Variants in CHRNA3 observed in about 807,000 individuals in gnomAD.
The protein encoded by CHRNA3 is cholinergic receptor nicotinic alpha 3 subunit.
In CHRNA3, 34 loss-of-function variants were observed where a neutral mutation model predicts 41.9. The ratio of observed to expected loss-of-function variants is 0.81; its 90% CI spans 0.62 to 1.08. The LOEUF is 1.08. Among genes scored for constraint, CHRNA3 ranks in the 50% least tolerant of loss-of-function variants. The pLI, the probability that CHRNA3 is intolerant of heterozygous loss-of-function variation, is 0.00. For missense variants in CHRNA3, 542 were observed against 638.3 expected, an observed-to-expected ratio of 0.85 and a Z score of 1.63; for synonymous variants, 281 against 265.2, an observed-to-expected ratio of 1.06 and a Z score of -0.58.
chr15:78,607,071 T>C (rs2053300777), intron 4 of CHRNA3, among the ~76,000 whole-genome samples: 2 of 150,328 alleles, frequency 1.3e-5, no homozygotes. Context: ...CTACTAAAAA[T>C]ACAAAAAATT....
intron 4 of CHRNA3, among the ~76,000 whole-genome samples, chr15:78,609,728 A>G (rs1420679410): frequency 6.6e-6 from 1 of 152,218 alleles, no homozygotes; most frequent in Non-Finnish European, 1.5e-5. Context: ...ACACATAACA[A>G]TATTAACTTT....
chr15:78,602,737 G>A lies in CHRNA3; in HGVS notation c.378-473C>T, dbSNP rs145551417. 3.5e-3 allele frequency among the ~76,000 whole-genome samples: 533 copies of A among 152,276 alleles called. 4 individuals are homozygous for A. Among genetic ancestry groups the A allele is most frequent in the African/African-American group, 0.012 (515 of 41,558 alleles). On this transcript the variant is annotated intron_variant, in intron 4 of 5. Coordinates refer to ENST00000326828, the MANE Select transcript of CHRNA3 (RefSeq NM_000743.5). ...AAACCAGACTATGGATGTGGAAGGG[G>A]CTGCACAGACCACCCAGGGGAGTCC...
At chr15:78,616,092 G>C (rs1596083612) in intron 4 of CHRNA3, among the ~76,000 whole-genome samples, 1 of 150,864 alleles carries the variant, frequency 6.6e-6, no homozygotes, top group Non-Finnish European at 1.5e-5. Flanking sequence ...GGTGGCTCAT[G>C]CTGTAATCCC....
intron 1 of CHRNA3, among the ~76,000 whole-genome samples, chr15:78,619,566 G>T (rs2053518279): frequency 6.6e-6 from 1 of 151,790 alleles, no homozygotes; most frequent in South Asian, 2.1e-4. Flanking sequence ...CCCTGTAGGG[G>T]TGGCCACCAG....
intron 4 of CHRNA3, among the ~76,000 whole-genome samples, chr15:78,602,560 G>A (rs1480498995): frequency 1.3e-5 from 2 of 152,184 alleles, no homozygotes; most frequent in Non-Finnish European, 2.9e-5. Flanking sequence ...TGCCCGAAGA[G>A]GATTGGTCCC....
intron 5 of CHRNA3, 67 bp downstream of exon 5, chr15:78,601,186 C>T (rs1043088121): frequency 1.4e-5 from 22 of 1,526,412 alleles, no homozygotes; most frequent in Non-Finnish European, 2.0e-5. Flanking sequence ...ATGCCTTGCC[C>T]CACGAGGAAC....
chr15:78,610,792 T>C (rs1393945080), intron 4 of CHRNA3, among the ~76,000 whole-genome samples: 1 of 151,894 alleles, frequency 6.6e-6, no homozygotes. Context: ...CAGGAGCTGG[T>C]TTTTTGAAAA....
At chr15:78,605,241 ATC>A (rs765358200) in intron 4 of CHRNA3, among the ~76,000 whole-genome samples, 2 of 152,070 alleles carry the variant, frequency 1.3e-5, no homozygotes, top group Non-Finnish European at 2.9e-5. Context: ...GGTTTTTAAA[ATC>A]TCTCTAAATT....
intron 4 of CHRNA3, among the ~76,000 whole-genome samples, chr15:78,613,815 G>A (rs367786258): frequency 4.1e-4 from 62 of 151,436 alleles, no homozygotes; most frequent in African/African-American, 1.3e-3. Flanking sequence ...GCGTGGTGGC[G>A]GGCGCCTGTA....
intron 4 of CHRNA3, among the ~76,000 whole-genome samples, chr15:78,615,440 T>TG (rs775966273): frequency 2.0e-5 from 3 of 152,104 alleles, no homozygotes; most frequent in Non-Finnish European, 4.4e-5. Flanking sequence ...CCACAGTGGA[T>TG]GGCTGAGACC....
At chr15:78,617,684 G>A (rs2053484901) in intron 3 of CHRNA3, among the ~76,000 whole-genome samples, 2 of 152,196 alleles carry the variant, frequency 1.3e-5, no homozygotes, top group South Asian at 4.1e-4. Flanking sequence ...TGCGGCCACA[G>A]AGGGAACGTG....
intron 5 of CHRNA3, among the ~76,000 whole-genome samples, chr15:78,599,055 G>A (rs78427646): frequency 1.1e-3 from 161 of 151,492 alleles, no homozygotes; most frequent in Middle Eastern, 6.8e-3. Flanking sequence ...GGCCAGGCTG[G>A]TCTTGAACTC....
At chr15:78,616,898 G>A in intron 4 of CHRNA3, 126 bp downstream of exon 4, 1 of 635,450 alleles carries the variant, frequency 1.6e-6, no homozygotes, top group East Asian at 2.7e-5. Context: ...CATACCTATG[G>A]ACTGAACAAA....
At chr15:78,609,640 A>AC (rs1329309999) in intron 4 of CHRNA3, among the ~76,000 whole-genome samples, 7 of 152,344 alleles carry the variant, frequency 4.6e-5, no homozygotes, top group Admixed American at 2.6e-4. Context: ...AAATGTAAAG[A>AC]CCATCAAGGC....
intron 4 of CHRNA3, 33 bp from the exon 5 acceptor site, chr15:78,602,297 C>T (rs199610323): frequency 1.0e-4 from 163 of 1,594,308 alleles, no homozygotes; most frequent in East Asian, 2.9e-4. Flanking sequence ...CAGTGACACA[C>T]GGTCATTAAC....
chr15:78,594,127 T>A (rs1018463006), downstream of CHRNA3: 4 of 152,212 alleles, frequency 2.6e-5, no homozygotes, highest in African/African-American at 9.6e-5. Context: ...AATTGGGAAC[T>A]CCTTTAAGGC....
chr15:78,599,495 C>T (rs2053163392), intron 5 of CHRNA3, among the ~76,000 whole-genome samples: 1 of 151,450 alleles, frequency 6.6e-6, no homozygotes, highest in African/African-American at 2.4e-5. Context: ...GATCTTTGTT[C>T]CCCTGCCACT....
rs1025574511 is a variant in CHRNA3, at chr15:78,596,794, A to T, written c.1390-62T>A. 23 of 1,549,648 alleles carry T rather than the reference A, an allele frequency of 1.5e-5. No individual in the cohort carries two copies. The African/African-American group carries it at 3.2e-4, about 21-fold the overall frequency. On this transcript the variant is annotated intron_variant, in intron 5 of 5. Transcript: ENST00000326828. ...GGGAAAGGCAAATGAATACATTTTC[A>T]ATACTGAAGATGTAATCAACACGTT...
At position 78,601,850 on chromosome 15, in the gene CHRNA3, G is replaced by A; in HGVS notation, c.792C>T (p.Tyr264=). Residue 264 remains tyrosine (Y), a synonymous_variant, in exon 5 of 6, where the codon TAC becomes TAT. Coordinates refer to ENST00000326828, the MANE Select transcript of CHRNA3 (RefSeq NM_000743.5). The part of the protein sequence containing the change: ...LISFLTVLVF[Y]LPSDCGEKVT... ...CCTTCTCACCGCAGTCGGAGGGCAG[G>A]TAGAAGACGAGCACAGTGAGGAAGG... 2 of 1,614,128 alleles carry A rather than the reference G, an allele frequency of 1.2e-6. No individual in the cohort carries two copies. The highest frequency in any genetic ancestry group is 1.7e-6 in the Non-Finnish European group (2 of 1,180,024).
Sources: allele counts gnomAD v4.1 joint callset (sites outside exome capture counted in the v4.1 genomes callset), GRCh38; gene constraint gnomAD v4.1.1; transcripts MANE v1.5; gene names NCBI Gene and HGNC (gene_info 2026-07-23, HGNC 2026-07-21).